The following THEMIS variants were observed in gnomAD, a reference collection of about 807,000 sequenced individuals.
THEMIS encodes the protein protein THEMIS.
In THEMIS, 37 loss-of-function variants were observed where a neutral mutation model predicts 52.6. The ratio of observed to expected loss-of-function variants is 0.70; its 90% confidence interval spans 0.54 to 0.93. The LOEUF is 0.93. Ranked by LOEUF, THEMIS falls within the 40% of genes least tolerant of loss-of-function variation. The pLI is 0.00. For missense variants in THEMIS, 808 were observed against 763.1 expected (o/e 1.06, Z -0.69); for synonymous variants, 292 against 272.7 (o/e 1.07, Z -0.70).
intron 5 of THEMIS, among the ~76,000 whole-genome samples, chr6:127,713,729 GC>G (rs1394030291): frequency 4.0e-5 from 6 of 151,876 alleles, no homozygotes; most frequent in African/African-American, 1.4e-4. Flanking sequence ...AATAGTCTGT[GC>G]CAGCCTTGAG....
In THEMIS at chr6:127,856,152, C is replaced by T. The variant is rs1779611172; in HGVS notation, c.92-964G>A. On this transcript the variant is annotated intron_variant, in intron 1 of 5. Coordinates refer to ENST00000368248, the MANE Select transcript of THEMIS (RefSeq NM_001010923.3). ...ATACTACATGTGAAGTATATGAGCA[C>T]AGCGTTTTAGGTTTGCTTGTTTGTT... is the stretch of plus-strand genomic sequence containing the variant. Among the ~76,000 whole-genome samples the T allele has an allele frequency of 2.6e-5, 4 of 152,074 alleles. No homozygotes were observed. In the South Asian group the frequency reaches 6.2e-4, roughly 24 times the overall value.
intron 5 of THEMIS, among the ~76,000 whole-genome samples, chr6:127,718,409 G>T (rs1339679808): frequency 5.3e-5 from 8 of 151,828 alleles, no homozygotes; most frequent in African/African-American, 1.9e-4. Context: ...TTCAAAGCAG[G>T]TGCTGCTCTG....
intron 1 of THEMIS, among the ~76,000 whole-genome samples, chr6:127,889,809 TACA>T (rs1167136843): frequency 6.6e-6 from 1 of 152,118 alleles, no homozygotes; most frequent in African/African-American, 2.4e-5. Context: ...TTCAATATAC[TACA>T]ACATAATGCA....
chr6:127,803,861 T>C (rs966331867), intron 4 of THEMIS, among the ~76,000 whole-genome samples: 7 of 152,208 alleles, frequency 4.6e-5, no homozygotes, highest in African/African-American at 9.6e-5. Context: ...TCCAGAGGTA[T>C]AGTTGAAAAC....
At chr6:127,700,246 A>T in the THEMIS span, among the ~76,000 whole-genome samples, 16 of 151,928 alleles carry the variant, frequency 1.1e-4, no homozygotes, top group Non-Finnish European at 2.4e-4. Context: ...GCCTATGAGC[A>T]CTATAAATAA....
At position 127,735,260 on chromosome 6, in the gene THEMIS, C is replaced by T. The variant is rs760658329; in HGVS notation, c.1759-15437G>A. Among the ~76,000 whole-genome samples the T allele has an allele frequency of 2.2e-4, 34 of 151,786 alleles. 1 individual carries two copies. Among genetic ancestry groups the T allele is most frequent in the Non-Finnish European group, 2.8e-4 (19 of 67,978 alleles). ...CGGGGCGTCTAACCTTTGTAACTTGCTCTCAGAAACATCTTGATAATTAAA... is the reference window on the plus strand; with the variant it reads ...CGGGGCGTCTAACCTTTGTAACTTGTTCTCAGAAACATCTTGATAATTAAA... On this transcript the variant is annotated intron_variant, in intron 4 of 5. Coordinates refer to ENST00000368248, the MANE Select transcript of THEMIS (RefSeq NM_001010923.3).
chr6:127,746,766 A>G (rs1379457247), intron 4 of THEMIS, among the ~76,000 whole-genome samples: 1 of 74,000 alleles, frequency 1.4e-5, no homozygotes, highest in Non-Finnish European at 2.2e-5. Context: ...ATTATTATAT[A>G]ATTATATTAT....
chr6:127,754,592 T>C lies in THEMIS; in HGVS notation c.1759-34769A>G, dbSNP rs544658363. Among the ~76,000 whole-genome samples the C allele has an allele frequency of 3.9e-5, 6 of 152,300 alleles. No individual in the cohort carries two copies. In the East Asian group the frequency reaches 1.2e-3, roughly 29 times the overall value. On this transcript the variant is annotated intron_variant, in intron 4 of 5. Transcript: ENST00000368248. ...CTCTCCCTCGATGAAATAATATAATTTCCTCCATTCGGTTTCACAGGGCAA... is the reference window on the plus strand; with the variant it reads ...CTCTCCCTCGATGAAATAATATAATCTCCTCCATTCGGTTTCACAGGGCAA...
At chr6:127,722,142 G>A (rs1017050281) in intron 4 of THEMIS, among the ~76,000 whole-genome samples, 1 of 151,956 alleles carries the variant, frequency 6.6e-6, no homozygotes, top group Non-Finnish European at 1.5e-5. Flanking sequence ...CAGTAATTAA[G>A]AGCCTCATTT....
intron 3 of THEMIS, among the ~76,000 whole-genome samples, chr6:127,819,859 G>A (rs1283467680): frequency 2.6e-5 from 4 of 152,142 alleles, no homozygotes; most frequent in Non-Finnish European, 1.5e-5. Flanking sequence ...GAAGAGTGCT[G>A]GAGAATAAAT....
Position 127,709,721 on chromosome 6 carries a change from G to A in THEMIS, c.*264C>T. 3.1e-6 allele frequency: 1 copy of A among 323,730 alleles called. No homozygotes were observed. The highest frequency in any genetic ancestry group is 5.6e-6 in the Non-Finnish European group (1 of 178,678). The allele number at this position is 323,730 out of a possible 1,614,324, so 20.1% of individuals were successfully genotyped here. ...TAGAAATAAGAATCTGAAAAAATGT[G>A]CAAGTTAAATAAATACGTCCTAAAG... On this transcript the variant is annotated 3_prime_UTR_variant, in exon 6 of 6. Transcript: ENST00000368248.
chr6:127,760,139 A>G (rs1007038987), intron 4 of THEMIS, among the ~76,000 whole-genome samples: 4 of 150,920 alleles, frequency 2.7e-5, no homozygotes, highest in Non-Finnish European at 5.9e-5. Context: ...TGTTGAACAG[A>G]TAATTCTTCC....
At chr6:127,793,180 A>G (rs1777214980) in intron 4 of THEMIS, among the ~76,000 whole-genome samples, 2 of 152,190 alleles carry the variant, frequency 1.3e-5, no homozygotes, top group African/African-American at 4.8e-5. Flanking sequence ...TCCTGGAGAG[A>G]ACAGGGACAA....
chr6:127,849,662 A>C (rs1779351847), intron 2 of THEMIS, among the ~76,000 whole-genome samples: 2 of 152,138 alleles, frequency 1.3e-5, no homozygotes, highest in South Asian at 4.1e-4. Flanking sequence ...AATATTCAAT[A>C]AATGGTGCTA....
chr6:127,701,773 C>T, the THEMIS span, among the ~76,000 whole-genome samples: 3 of 151,994 alleles, frequency 2.0e-5, no homozygotes, highest in East Asian at 1.9e-4. Context: ...TTTTAATTTG[C>T]ATTTGCCTAA....
At chr6:127,841,793 T>C (rs1779057205) in intron 2 of THEMIS, among the ~76,000 whole-genome samples, 1 of 152,050 alleles carries the variant, frequency 6.6e-6, no homozygotes, top group Non-Finnish European at 1.5e-5. Flanking sequence ...TGCTGATTAA[T>C]TCACATTTTC....
intron 4 of THEMIS, among the ~76,000 whole-genome samples, chr6:127,799,865 G>C (rs532059709): frequency 2.6e-5 from 4 of 152,090 alleles, no homozygotes; most frequent in Non-Finnish European, 5.9e-5. Flanking sequence ...AGCCAATTGA[G>C]GATGATGTAT....
chr6:127,816,806 C>T (rs1460012662), intron 3 of THEMIS, among the ~76,000 whole-genome samples: 1 of 152,142 alleles, frequency 6.6e-6, no homozygotes, highest in African/African-American at 2.4e-5. Flanking sequence ...CTGGCACCAC[C>T]TGGGTCTCAT....
At chr6:127,713,689 C>A (rs1255002706) in intron 5 of THEMIS, among the ~76,000 whole-genome samples, 4 of 151,842 alleles carry the variant, frequency 2.6e-5, no homozygotes, top group Admixed American at 2.6e-4. Context: ...CCACATGGAT[C>A]TCTGGGGAAA....
Sources: gnomAD v4.1 joint callset for allele counts (sites outside exome capture counted in the v4.1 genomes callset) on GRCh38, gnomAD v4.1.1 for gene constraint, MANE v1.5 for transcripts, NCBI Gene and HGNC (gene_info 2026-07-23, HGNC 2026-07-21) for gene names.